C1orf185: variants seen among roughly 807,000 people sequenced by gnomAD.
C1orf185 encodes chromosome 1 open reading frame 185, also known as uncharacterized protein C1orf185.
Under a neutral mutation model 16.1 loss-of-function variants are expected in C1orf185, and 13 were observed. The observed-to-expected ratio is 0.81, with a 90% confidence interval of 0.53 to 1.28. The LOEUF (loss-of-function observed/expected upper bound fraction) is 1.28, where lower values mean the gene tolerates loss of function less well. Ranked by LOEUF, C1orf185 falls within the 50% of genes most tolerant of loss-of-function variation. The probability of loss-of-function intolerance (pLI) is 0.00; values close to 1 mark genes in which losing one functional copy is unlikely to be tolerated. For missense variants in C1orf185, 220 were observed against 225.2 expected (o/e 0.98, Z 0.15); for synonymous variants, 80 against 76.9 (o/e 1.04, Z -0.21).
At chr1:51,124,230 C>T (rs577099229) in intron 3 of C1orf185, among the ~76,000 whole-genome samples, 2 of 152,096 alleles carry the variant, frequency 1.3e-5, no homozygotes, top group South Asian at 2.1e-4. Context: ...TACAGGCGCC[C>T]GCCACCATGC....
At chr1:51,133,545 G>A (rs1024205886) in intron 3 of C1orf185, among the ~76,000 whole-genome samples, 13 of 152,186 alleles carry the variant, frequency 8.5e-5, no homozygotes, top group Admixed American at 8.5e-4. Context: ...GGAGCACCCA[G>A]ATTCATAAAG....
At chr1:51,122,967 A>T (rs993398256) in intron 3 of C1orf185, among the ~76,000 whole-genome samples, 1 of 152,166 alleles carries the variant, frequency 6.6e-6, no homozygotes, top group African/African-American at 2.4e-5. Context: ...ATACCAGAAT[A>T]CCTGAAACTG....
intron 1 of C1orf185, among the ~76,000 whole-genome samples, chr1:51,110,776 G>T (rs189987008): frequency 1.1e-4 from 17 of 151,862 alleles, no homozygotes; most frequent in African/African-American, 4.1e-4. Flanking sequence ...AGAGACCAGC[G>T]TGGCCAACAT....
intron 1 of C1orf185, chr1:51,107,177 T>TG (rs1303213237): frequency 2.0e-5 from 3 of 152,242 alleles, no homozygotes; most frequent in Non-Finnish European, 4.4e-5. Flanking sequence ...AAGACCAGCC[T>TG]GGGCAATATA....
At chr1:51,145,379 T>C (rs1471087162) in intron 3 of C1orf185, among the ~76,000 whole-genome samples, 1 of 152,098 alleles carries the variant, frequency 6.6e-6, no homozygotes, top group Non-Finnish European at 1.5e-5. Flanking sequence ...TTTTTTGTTA[T>C]TTTTGCTGTT....
intron 1 of C1orf185, among the ~76,000 whole-genome samples, chr1:51,107,571 T>C (rs1646082896): frequency 6.6e-6 from 1 of 151,946 alleles, no homozygotes; most frequent in Non-Finnish European, 1.5e-5. Context: ...TTATAGAACT[T>C]GCTTTTTTTG....
At chr1:51,146,140 T>C (rs1646399355) in intron 4 of C1orf185, among the ~76,000 whole-genome samples, 1 of 152,014 alleles carries the variant, frequency 6.6e-6, no homozygotes, top group Non-Finnish European at 1.5e-5. Flanking sequence ...TTTGCAGAGC[T>C]TTAAAAATGT....
At chr1:51,129,292 C>T (rs570236361) in intron 3 of C1orf185, among the ~76,000 whole-genome samples, 9 of 152,254 alleles carry the variant, frequency 5.9e-5, no homozygotes, top group African/African-American at 1.4e-4. Context: ...GAGTGTGAGC[C>T]GCTGCACCCA....
intron 3 of C1orf185, chr1:51,129,614 G>A (rs1413150499): frequency 2.0e-5 from 3 of 152,172 alleles, no homozygotes. Context: ...ATTTCAGGCT[G>A]CTATAACAAA....
At chr1:51,115,921 C>G (rs966504720) in intron 2 of C1orf185, among the ~76,000 whole-genome samples, 1 of 152,100 alleles carries the variant, frequency 6.6e-6, no homozygotes, top group African/African-American at 2.4e-5. Context: ...AGAGTTAATG[C>G]TGATGCATAA....
chr1:51,146,841 A>G (rs1240504539), intron 4 of C1orf185, among the ~76,000 whole-genome samples: 3 of 152,162 alleles, frequency 2.0e-5, no homozygotes, highest in African/African-American at 7.2e-5. Context: ...AAGATTTGTT[A>G]CTATTATTGG....
chr1:51,114,175 A>G (rs960396460), intron 2 of C1orf185, among the ~76,000 whole-genome samples: 57 of 152,242 alleles, frequency 3.7e-4, no homozygotes, highest in African/African-American at 1.3e-3. Flanking sequence ...AATGTGAATA[A>G]TCTGCAGTGA....
chr1:51,118,721 C>T lies in C1orf185; in HGVS notation c.178C>T (p.Pro60Ser). 1 of 1,490,648 alleles carries T rather than the reference C, an allele frequency of 6.7e-7. No homozygotes were observed. The highest frequency in any genetic ancestry group is 9.0e-7 in the Non-Finnish European group (1 of 1,111,656). 92.3% of individuals were successfully genotyped at this position (1,490,648 alleles called of 1,614,324 possible). Residue 60 changes from proline (P) to serine (S), a missense_variant, in exon 3 of 5, where the codon CCA (proline) becomes TCA (serine). By Grantham distance (74) the Pro-to-Ser change is moderately conservative. Coordinates refer to ENST00000371759, the MANE Select transcript of C1orf185 (RefSeq NM_001136508.2). ...AATTGATGAGAGATGCAGGCAAAGACCATCAATGGCGAAGATTAAATCTCA... is the reference window on the plus strand; with the variant it reads ...AATTGATGAGAGATGCAGGCAAAGATCATCAATGGCGAAGATTAAATCTCA... ...KAIDERCRQR[P>S]SMAKIKSHSQ...
downstream of C1orf185, among the ~76,000 whole-genome samples, chr1:51,151,040 A>G (rs1425220973): frequency 1.3e-5 from 2 of 152,242 alleles, no homozygotes; most frequent in African/African-American, 4.8e-5. Flanking sequence ...GCTCACAGAC[A>G]TGCAGAAATG....
chr1:51,130,990 C>T (rs1485681096), intron 3 of C1orf185, among the ~76,000 whole-genome samples: 2 of 152,176 alleles, frequency 1.3e-5, no homozygotes, highest in African/African-American at 4.8e-5. Context: ...GCAACCTCCA[C>T]CTCCCAGGTT....
chr1:51,116,557 G>T (rs1000391448), intron 2 of C1orf185, among the ~76,000 whole-genome samples: 1 of 151,908 alleles, frequency 6.6e-6, no homozygotes, highest in African/African-American at 2.4e-5. Context: ...TAGGTGATCC[G>T]CCCTCCTCGG....
In C1orf185 at chr1:51,128,856, GT is replaced by G. The variant is rs1646261392; in HGVS notation, c.258+10058del. 3.9e-5 allele frequency among the ~76,000 whole-genome samples: 6 copies of G among 152,054 alleles called. No individual in the cohort carries two copies. In the South Asian group the frequency reaches 1.2e-3, roughly 32 times the overall value. On this transcript the variant is annotated intron_variant, in intron 3 of 4. Coordinates refer to ENST00000371759, the MANE Select transcript of C1orf185 (RefSeq NM_001136508.2). ...TAAACTGGAAAGTTTGTTTGACTTT[GT>G]TTGCTTTTTTTGCTTTTTTTGTTTT...
At chr1:51,121,289 C>A (rs903502897) in intron 3 of C1orf185, among the ~76,000 whole-genome samples, 1 of 152,092 alleles carries the variant, frequency 6.6e-6, no homozygotes, top group Admixed American at 6.6e-5. Context: ...TGGTATCCTG[C>A]CATCCCAGCC....
At chr1:51,119,197 A>G (rs1471106480) in intron 3 of C1orf185, among the ~76,000 whole-genome samples, 1 of 152,224 alleles carries the variant, frequency 6.6e-6, no homozygotes, top group Non-Finnish European at 1.5e-5. Flanking sequence ...AGCCTTTACT[A>G]TATTCCAAGC....
Sources: allele counts gnomAD v4.1 joint callset (sites outside exome capture counted in the v4.1 genomes callset), GRCh38; gene constraint gnomAD v4.1.1; transcripts MANE v1.5; gene names NCBI Gene and HGNC (gene_info 2026-07-23, HGNC 2026-07-21).